Variants in TMEM217B observed in about 807,000 individuals in gnomAD.
The protein encoded by TMEM217B is putative transmembrane protein 217B.
At chr6:37,237,082 T>C in the TMEM217B span, among the ~76,000 whole-genome samples, 2 of 152,130 alleles carry the variant, frequency 1.3e-5, no homozygotes, top group Non-Finnish European at 2.9e-5. Context: ...AGAAGTCCCA[T>C]AGCAACACGT....
At chr6:37,250,843 G>A in the TMEM217B span, among the ~76,000 whole-genome samples, 1 of 152,198 alleles carries the variant, frequency 6.6e-6, no homozygotes, top group African/African-American at 2.4e-5. Flanking sequence ...CAACCTTTAA[G>A]TTTACTTTAA....
chr6:37,224,393 T>A, the TMEM217B span, among the ~76,000 whole-genome samples: 1 of 149,074 alleles, frequency 6.7e-6, no homozygotes, highest in Non-Finnish European at 1.5e-5. Context: ...GGTCAGGAGA[T>A]CGAGACCATC....
the TMEM217B span, among the ~76,000 whole-genome samples, chr6:37,231,159 A>G: frequency 6.6e-6 from 1 of 151,450 alleles, no homozygotes; most frequent in Non-Finnish European, 1.5e-5. Context: ...TCCCGGGTTC[A>G]AGCGATTCTC....
At chr6:37,218,926 C>T in the TMEM217B span, 3 of 1,614,026 alleles carry the variant, frequency 1.9e-6, no homozygotes, top group African/African-American at 1.3e-5. Context: ...TCCCTAGGTG[C>T]TTCTGTTCAA....
At chr6:37,222,301 C>T in the TMEM217B span, among the ~76,000 whole-genome samples, 2 of 152,240 alleles carry the variant, frequency 1.3e-5, no homozygotes, top group East Asian at 3.9e-4. Context: ...ATCGATACGC[C>T]TCCCGCTGCC....
chr6:37,253,328 C>A, the TMEM217B span, among the ~76,000 whole-genome samples: 1 of 152,122 alleles, frequency 6.6e-6, no homozygotes. Flanking sequence ...ACAGAGATTT[C>A]CCCCTTTCTT....
chr6:37,226,281 C>CTTTT, the TMEM217B span, among the ~76,000 whole-genome samples: 54 of 74,892 alleles, frequency 7.2e-4, 6 homozygotes, highest in East Asian at 1.1e-3. Flanking sequence ...TTGAGACAGT[C>CTTTT]TTTTTTTTTT....
the TMEM217B span, among the ~76,000 whole-genome samples, chr6:37,231,621 G>A: frequency 1.4e-5 from 2 of 145,638 alleles, no homozygotes; most frequent in South Asian, 2.2e-4. Context: ...GCGGTGAGCC[G>A]AGATTGCACC....
At chr6:37,243,872 G>T in the TMEM217B span, among the ~76,000 whole-genome samples, 1 of 152,186 alleles carries the variant, frequency 6.6e-6, no homozygotes, top group African/African-American at 2.4e-5. Flanking sequence ...TGCTGAGTCT[G>T]CCTCTGGATG....
At chr6:37,250,424 C>T in the TMEM217B span, among the ~76,000 whole-genome samples, 285 of 152,222 alleles carry the variant, frequency 1.9e-3, 1 homozygote, top group African/African-American at 6.5e-3. Context: ...ATATATTTAG[C>T]GTCCCATGAA....
chr6:37,215,179 C>A, the TMEM217B span: 1 of 1,612,316 alleles, frequency 6.2e-7, no homozygotes, highest in South Asian at 1.1e-5. Context: ...CTGGTACATT[C>A]TATTCATTCA....
chr6:37,230,153 G>T, the TMEM217B span, among the ~76,000 whole-genome samples: 87 of 152,292 alleles, frequency 5.7e-4, no homozygotes, highest in African/African-American at 1.9e-3. Context: ...TCCTTCTCAC[G>T]CTTGGAATTT....
the TMEM217B span, chr6:37,215,353 G>C: frequency 6.5e-7 from 1 of 1,532,620 alleles, no homozygotes; most frequent in Non-Finnish European, 8.8e-7. Flanking sequence ...GAGGCAGGCG[G>C]ATCACGAGGT....
the TMEM217B span, chr6:37,217,851 T>A: frequency 2.9e-5 from 29 of 985,470 alleles, no homozygotes; most frequent in Non-Finnish European, 3.5e-5. Flanking sequence ...ATTGCCCTAC[T>A]GCAATTCAGC....
chr6:37,236,662 A>T, the TMEM217B span, among the ~76,000 whole-genome samples: 1 of 149,774 alleles, frequency 6.7e-6, no homozygotes, highest in East Asian at 1.9e-4. Context: ...TGCCAGTACT[A>T]TTTTTTTTTT....
chr6:37,215,404 A>G, the TMEM217B span: 11 of 1,205,504 alleles, frequency 9.1e-6, no homozygotes, highest in East Asian at 3.5e-4. Flanking sequence ...GTGAAACCCC[A>G]TCTCTACTAA....
the TMEM217B span, among the ~76,000 whole-genome samples, chr6:37,233,310 T>C: frequency 1.3e-5 from 2 of 152,240 alleles, no homozygotes; most frequent in Admixed American, 6.5e-5. Flanking sequence ...TGAATCATTA[T>C]TTTTCTGATC....
chr6:37,257,954 A>G, the TMEM217B span: 1 of 1,614,106 alleles, frequency 6.2e-7, no homozygotes, highest in Middle Eastern at 1.6e-4. Flanking sequence ...TTGGAAGAGG[A>G]GCGCTAAGCT....
chr6:37,232,841 CT>C, the TMEM217B span, among the ~76,000 whole-genome samples: 1 of 152,224 alleles, frequency 6.6e-6, no homozygotes. Context: ...CCAAACTCAC[CT>C]TGTTTTTCTC....
Sources: gnomAD v4.1 joint callset for allele counts (sites outside exome capture counted in the v4.1 genomes callset) on GRCh38, gnomAD v4.1.1 for gene constraint, MANE v1.5 for transcripts, NCBI Gene and HGNC (gene_info 2026-07-23, HGNC 2026-07-21) for gene names.